NAV1: variants seen among roughly 807,000 people sequenced by gnomAD.
NAV1 encodes neuron navigator 1.
A neutral mutation model predicts 175.2 loss-of-function variants in NAV1; 18 were observed. The observed-to-expected ratio is 0.10, with a 90% CI of 0.07 to 0.15. The LOEUF (loss-of-function observed/expected upper bound fraction) is 0.15. NAV1 is among the 10% of genes least tolerant of loss of function. The pLI is 1.00. For synonymous variants in NAV1, 897 were observed against 978.7 expected, an observed-to-expected ratio of 0.92 and a Z score of 1.56; for missense variants, 1,731 against 2,436.6, an observed-to-expected ratio of 0.71 and a Z score of 6.10.
At chr1:201,592,807 G>A (rs1667238435) in intron 2 of NAV1, among the ~76,000 whole-genome samples, 1 of 152,118 alleles carries the variant, frequency 6.6e-6, no homozygotes. Context: ...ATAGCCAACT[G>A]GGAGGGGACC....
intron 1 of NAV1, among the ~76,000 whole-genome samples, chr1:201,580,090 A>G (rs1187536285): frequency 6.6e-6 from 1 of 152,234 alleles, no homozygotes; most frequent in Non-Finnish European, 1.5e-5. Flanking sequence ...GCAAGAGGAG[A>G]AAACTGTCCC....
intron 1 of NAV1, among the ~76,000 whole-genome samples, chr1:201,548,007 T>TG (rs1429561029): frequency 1.3e-5 from 2 of 152,152 alleles, no homozygotes; most frequent in African/African-American, 4.8e-5. Flanking sequence ...TTGGCCAGGC[T>TG]GGTCTGAAAC....
chr1:201,640,153 A>G (rs1266753316), intron 2 of NAV1, among the ~76,000 whole-genome samples: 2 of 152,010 alleles, frequency 1.3e-5, no homozygotes, highest in Admixed American at 1.3e-4. Context: ...AAGACAATAA[A>G]TCTCTCTCTG....
chr1:201,642,235 C>A (rs936281186), intron 2 of NAV1, among the ~76,000 whole-genome samples: 2 of 137,780 alleles, frequency 1.5e-5, no homozygotes, highest in Admixed American at 8.0e-5. Context: ...CTTTCTTTCT[C>A]GGAGTCTTGG....
At chr1:201,745,346 A>G (rs1213165537) in intron 3 of NAV1, among the ~76,000 whole-genome samples, 2 of 152,332 alleles carry the variant, frequency 1.3e-5, no homozygotes, top group African/African-American at 4.8e-5. Context: ...TAACCCATGG[A>G]CTTACAAAGG....
At chr1:201,723,794 T>C (rs1329436995) in intron 3 of NAV1, 2 of 152,248 alleles carry the variant, frequency 1.3e-5, no homozygotes, top group African/African-American at 4.8e-5. Flanking sequence ...AATTAAGTTA[T>C]AAGAAAGTTT....
intron 1 of NAV1, among the ~76,000 whole-genome samples, chr1:201,563,573 G>A (rs1477045893): frequency 1.3e-5 from 2 of 152,118 alleles, no homozygotes; most frequent in Non-Finnish European, 1.5e-5. Flanking sequence ...AGGAGCTTGA[G>A]TTCTGGGCCT....
intron 1 of NAV1, among the ~76,000 whole-genome samples, chr1:201,555,838 G>C (rs1255582222): frequency 7.8e-6 from 1 of 128,608 alleles, no homozygotes. Flanking sequence ...CCGGGTGCTG[G>C]AGCAAAGGTG....
intron 3 of NAV1, among the ~76,000 whole-genome samples, chr1:201,729,074 C>G (rs985088319): frequency 6.6e-6 from 1 of 152,194 alleles, no homozygotes; most frequent in African/African-American, 2.4e-5. Flanking sequence ...TGGCTTTTCC[C>G]CCACCAGCTC....
chr1:201,667,497 C>G (rs1466127199), intron 1 of NAV1, among the ~76,000 whole-genome samples: 1 of 152,160 alleles, frequency 6.6e-6, no homozygotes, highest in Non-Finnish European at 1.5e-5. Flanking sequence ...CCAAGTCCAC[C>G]CAGCCGGTGA....
In NAV1 at chr1:201,683,603, G is replaced by T. The variant is rs76584067; in HGVS notation, c.758-29214G>T. On this transcript the variant is annotated intron_variant, in intron 1 of 29. Coordinates refer to ENST00000367296, the Ensembl canonical transcript of NAV1. ...CTGCACACTCATCTCCTGCTGTGCG[G>T]CTAGGGTTCCTGCTGTGTGGCATAC... 3.3e-3 allele frequency among the ~76,000 whole-genome samples: 507 copies of T among 152,262 alleles called. 2 individuals carry two copies. In the East Asian group the frequency reaches 0.038, roughly 11 times the overall value.
chr1:201,775,793 C>T (rs899419874), intron 3 of NAV1, among the ~76,000 whole-genome samples: 3 of 152,138 alleles, frequency 2.0e-5, no homozygotes, highest in Admixed American at 6.5e-5. Context: ...CGCAGTGGCT[C>T]GCAACTGTAA....
At chr1:201,676,530 C>T (rs1670256985) in intron 1 of NAV1, among the ~76,000 whole-genome samples, 2 of 151,530 alleles carry the variant, frequency 1.3e-5, no homozygotes, top group Non-Finnish European at 2.9e-5. Flanking sequence ...GCAGGCCACA[C>T]AGCGAGGGAA....
intron 1 of NAV1, among the ~76,000 whole-genome samples, chr1:201,692,989 A>G (rs1671019780): frequency 6.6e-6 from 1 of 152,168 alleles, no homozygotes; most frequent in African/African-American, 2.4e-5. Context: ...GGCAGGAGAG[A>G]GAAGGCTATA....
At chr1:201,751,919 G>T (rs935121959) in intron 3 of NAV1, among the ~76,000 whole-genome samples, 1 of 152,082 alleles carries the variant, frequency 6.6e-6, no homozygotes, top group South Asian at 2.1e-4. Flanking sequence ...TTTTCTTTTC[G>T]TTCTTTTTTT....
chr1:201,618,387 T>A (rs1285298280), upstream of NAV1, among the ~76,000 whole-genome samples: 3 of 152,200 alleles, frequency 2.0e-5, no homozygotes, highest in African/African-American at 7.2e-5. Flanking sequence ...TGGGGAAAAC[T>A]AGCTAGATCT....
chr1:201,582,319 A>G (rs1041004130), intron 1 of NAV1, among the ~76,000 whole-genome samples: 1 of 152,236 alleles, frequency 6.6e-6, no homozygotes, highest in East Asian at 1.9e-4. Context: ...CGAGTCAAAC[A>G]GGGGAGGAAG....
intron 2 of NAV1, among the ~76,000 whole-genome samples, chr1:201,595,088 C>A (rs962275023): frequency 2.0e-5 from 3 of 152,224 alleles, no homozygotes; most frequent in Admixed American, 1.3e-4. Flanking sequence ...TATCCAAGCA[C>A]ACCTCCAAGG....
intron 3 of NAV1, chr1:201,739,712 G>A: frequency 9.4e-7 from 1 of 1,058,978 alleles, no homozygotes; most frequent in Non-Finnish European, 1.2e-6. Flanking sequence ...CCGGAACGGA[G>A]GAGGCTTCGG....
Sources: gnomAD v4.1 joint callset for allele counts (sites outside exome capture counted in the v4.1 genomes callset) on GRCh38, gnomAD v4.1.1 for gene constraint, MANE v1.5 for transcripts, NCBI Gene and HGNC (gene_info 2026-07-23, HGNC 2026-07-21) for gene names.